Variants in NUDT12 observed in about 807,000 individuals in gnomAD.
The protein encoded by NUDT12 is NAD-capped RNA hydrolase NUDT12.
Under a neutral mutation model 45.7 loss-of-function variants are expected in NUDT12, and 42 were observed. The observed-to-expected ratio is 0.92, with a 90% CI of 0.72 to 1.19. The LOEUF (loss-of-function observed/expected upper bound fraction) is 1.19. Ranked by LOEUF, NUDT12 falls within the 50% of genes most tolerant of loss-of-function variation. The pLI is 0.00. For synonymous variants in NUDT12, 206 were observed against 179.7 expected (o/e 1.15, Z -1.17); for missense variants, 590 against 533.1 (o/e 1.11, Z -1.05).
intron 4 of NUDT12, among the ~76,000 whole-genome samples, chr5:103,555,119 C>G (rs902583334): frequency 6.6e-6 from 1 of 151,782 alleles, no homozygotes; most frequent in Non-Finnish European, 1.5e-5. Context: ...TTATTCTGTA[C>G]TTATGGATGT....
chr5:103,554,392 G>A (rs948160324), intron 5 of NUDT12: 1 of 157,118 alleles, frequency 6.4e-6, no homozygotes. Context: ...GCTAACTAAT[G>A]TATCTGGGGC....
Position 103,550,066 on chromosome 5 carries a change from CAAGTTT to C in NUDT12, c.*789_*794del, listed in dbSNP as rs1748603746. Reference sequence around the variant, plus strand: ...TCCGACCTTTGAGGAGAATTCCTTTCAAGTTTAATTTCAGTGCAAAAGCAGAGAATC... The same window carrying C: ...TCCGACCTTTGAGGAGAATTCCTTTCAATTTCAGTGCAAAAGCAGAGAATC... On this transcript the variant is annotated 3_prime_UTR_variant, in exon 7 of 7. Transcript: ENST00000230792. The C allele has an allele frequency of 6.6e-6, 1 of 152,096 alleles. No homozygotes were observed. Among genetic ancestry groups the C allele is most frequent in the African/African-American group, 2.4e-5 (1 of 41,426 alleles). 9.4% of individuals were successfully genotyped at this position (152,096 alleles called of 1,614,324 possible). A position where few individuals can be genotyped will look rare whatever the true frequency, so the allele number is the denominator to read the frequency against.
Position 103,549,175 on chromosome 5 carries a change from A to G in NUDT12, c.*1686T>C, listed in dbSNP as rs1748575719. Reference sequence around the variant, plus strand: ...TAGAATCTGCAAGTATTAAAAGTACATTTAGAGTAAAACTGAATTTCAAGA... The same window carrying G: ...TAGAATCTGCAAGTATTAAAAGTACGTTTAGAGTAAAACTGAATTTCAAGA... On this transcript the variant is annotated 3_prime_UTR_variant, in exon 7 of 7. Coordinates refer to ENST00000230792, the MANE Select transcript of NUDT12 (RefSeq NM_031438.4). 6.6e-6 allele frequency: 1 copy of G among 152,128 alleles called. No homozygotes were observed. Among genetic ancestry groups the G allele is most frequent in the South Asian group, 2.1e-4 (1 of 4,834 alleles). The allele number at this position is 152,128 out of a possible 1,614,324, so 9.4% of individuals were successfully genotyped here. A position where few individuals can be genotyped will look rare whatever the true frequency, so the allele number is the denominator to read the frequency against.
chr5:103,559,626 G>A lies in NUDT12; in HGVS notation c.207-158C>T, dbSNP rs76849690. 1.4e-3 allele frequency: 626 copies of A among 461,724 alleles called. 8 individuals are homozygous for A. In the East Asian group the frequency reaches 0.021, roughly 16 times the overall value. The allele number at this position is 461,724 out of a possible 1,614,324, so 28.6% of individuals were successfully genotyped here. ...CTTTTGTTACATAGTTTACTATTGG[G>A]AAGGTTAAAAGAACAATCATAAATG... On this transcript the variant is annotated intron_variant, in intron 2 of 6. Coordinates refer to ENST00000230792, the MANE Select transcript of NUDT12 (RefSeq NM_031438.4).
At chr5:103,552,144 A>G (rs577678806) in intron 6 of NUDT12, 73 bp downstream of exon 6, 3 of 1,241,164 alleles carry the variant, frequency 2.4e-6, no homozygotes, top group Admixed American at 1.8e-5. Context: ...GAAAATATGC[A>G]TCCTTGCTCT....
rs901860909 is a variant in NUDT12, at chr5:103,559,288, T to C, written c.387A>G (p.Lys129=). 5 of 1,606,194 alleles carry C rather than the reference T, an allele frequency of 3.1e-6. No homozygotes were observed. Among genetic ancestry groups the C allele is most frequent in the Non-Finnish European group, 4.2e-6 (5 of 1,177,706 alleles). The part of the protein sequence containing the change: ...NYFSKTLLDR[K]SEKRNNSDWL... ...AGTCAGAATTATTTCTCTTTTCACT[T>C]TTCCGGTCCAGTAGTGTTTTGCTAA... Residue 129 remains lysine (K), a synonymous_variant, in exon 3 of 7, where the codon AAA becomes AAG. Transcript: ENST00000230792.
In NUDT12 at chr5:103,555,963, T is replaced by C. The variant is rs368735765; in HGVS notation, c.932A>G (p.Asn311Ser). ...TGGGTATGAGGTATTATGGACGCCA[T>C]TGAGACTAGGACAGTCTTCTTTTAA... is the stretch of plus-strand genomic sequence containing the variant. ...LCLKEDCPSL[N>S]GVHNTSYPRV... The change falls in exon 4 of 7, where the codon AAT (asparagine) becomes AGT (serine). Residue 311 changes from asparagine to serine, a missense_variant. Physicochemically the swap from Asn to Ser is conservative, Grantham distance 46. Coordinates refer to ENST00000230792, the MANE Select transcript of NUDT12 (RefSeq NM_031438.4). 17 of 1,605,224 alleles carry C rather than the reference T, an allele frequency of 1.1e-5. No individual in the cohort carries two copies. The highest frequency in any genetic ancestry group is 1.4e-5 in the Non-Finnish European group (17 of 1,175,524).
At chr5:103,557,554 C>T (rs1435237721) in intron 3 of NUDT12, among the ~76,000 whole-genome samples, 1 of 149,754 alleles carries the variant, frequency 6.7e-6, no homozygotes, top group African/African-American at 2.5e-5. Flanking sequence ...TCATCAATAG[C>T]TTCATATTAC....
intron 2 of NUDT12, chr5:103,559,713 A>C (rs1748970239): frequency 4.6e-6 from 2 of 433,210 alleles, no homozygotes; most frequent in Admixed American, 4.0e-5. Context: ...AAAATAAAAC[A>C]GTATTAAGCT....
intron 5 of NUDT12, among the ~76,000 whole-genome samples, chr5:103,552,891 A>G (rs1163287878): frequency 2.6e-5 from 4 of 152,116 alleles, no homozygotes; most frequent in Non-Finnish European, 5.9e-5. Context: ...ATTACAAACT[A>G]CATAAGATGA....
chr5:103,559,050 GT>G lies in NUDT12; in HGVS notation c.624del (p.Lys208AsnfsTer23). ...GGGACTTCACCAGCATAATTAAGTA[GT>G]TTGTCTTTTATTTCAAGTTCTACTC... ...FLGVELEIKD[K>X]LLNYAGEVPR... On this transcript the variant is annotated frameshift_variant, in exon 3 of 7. Transcript: ENST00000230792. LOFTEE classifies it high-confidence loss of function. 1.2e-6 allele frequency: 2 copies of G among 1,613,332 alleles called. No homozygotes were observed. Among genetic ancestry groups the G allele is most frequent in the Non-Finnish European group, 1.7e-6 (2 of 1,179,684 alleles).
chr5:103,562,397 T>C (rs1295336194), intron 1 of NUDT12, among the ~76,000 whole-genome samples: 1 of 152,198 alleles, frequency 6.6e-6, no homozygotes, highest in Non-Finnish European at 1.5e-5. Context: ...TTTTACTTTC[T>C]TGCCACTACT....
In NUDT12 at chr5:103,550,758, T is replaced by G. The variant is rs892025262; in HGVS notation, c.*103A>C. 18 of 721,774 alleles carry G rather than the reference T, an allele frequency of 2.5e-5. No homozygotes were observed. Among genetic ancestry groups the G allele is most frequent in the Non-Finnish European group, 4.2e-5 (18 of 431,582 alleles). 44.7% of individuals were successfully genotyped at this position (721,774 alleles called of 1,614,324 possible). A position where few individuals can be genotyped will look rare whatever the true frequency, so the allele number is the denominator to read the frequency against. ...ATTTCGAAAACCCAACATCGTATTT[T>G]GTGTTGTGACACTCTCAAGAGTACT... On this transcript the variant is annotated 3_prime_UTR_variant, in exon 7 of 7. Transcript: ENST00000230792.
At chr5:103,562,355 G>A (rs1749060262) in intron 1 of NUDT12, among the ~76,000 whole-genome samples, 1 of 152,022 alleles carries the variant, frequency 6.6e-6, no homozygotes, top group Non-Finnish European at 1.5e-5. Context: ...ACCCGTGCAC[G>A]GTCTCTGAAA....
At chr5:103,561,872 C>T (rs887235334) in intron 1 of NUDT12, among the ~76,000 whole-genome samples, 2 of 152,184 alleles carry the variant, frequency 1.3e-5, no homozygotes, top group Admixed American at 6.5e-5. Context: ...ACCTCCAGGG[C>T]AATGCTTATG....
In NUDT12 at chr5:103,562,764, C is replaced by G. The variant is rs1250496674; in HGVS notation, c.-68G>C. ...TCCAAAGATTGGGATATCCCACTCG[C>G]TTTTCCTGGAGCCGGATGCAGTCTT... On this transcript the variant is annotated 5_prime_UTR_variant, in exon 1 of 7. Coordinates refer to ENST00000230792, the MANE Select transcript of NUDT12 (RefSeq NM_031438.4). The G allele has an allele frequency of 8.5e-6, 1 of 117,328 alleles. No homozygotes were observed. 7.3% of individuals were successfully genotyped at this position (117,328 alleles called of 1,614,324 possible).
rs397881869 is a variant in NUDT12, at chr5:103,554,869, A to AT, written c.965-17dup. The AT allele has an allele frequency of 7.6e-6, 9 of 1,182,416 alleles. No homozygotes were observed. In the African/African-American group the frequency reaches 1.4e-4, roughly 19 times the overall value. The allele number at this position is 1,182,416 out of a possible 1,614,324, so 73.2% of individuals were successfully genotyped here. A position where few individuals can be genotyped will look rare whatever the true frequency, so the allele number is the denominator to read the frequency against. Reference sequence around the variant, plus strand: ...ACTACTGGATCTGTTGAAAAAAAAAATCAGATACATGAATGGCAGGAAAAA... The same window carrying AT: ...ACTACTGGATCTGTTGAAAAAAAAAATTCAGATACATGAATGGCAGGAAAAA... On this transcript the variant is annotated splice_polypyrimidine_tract_variant and intron_variant, in intron 4 of 6. Coordinates refer to ENST00000230792, the MANE Select transcript of NUDT12 (RefSeq NM_031438.4).
At chr5:103,562,628 CAA>C (rs1005337614) in intron 1 of NUDT12, 73 bp downstream of exon 1, 3 of 152,374 alleles carry the variant, frequency 2.0e-5, no homozygotes, top group Admixed American at 2.0e-4. Context: ...GCGCGGGAAC[CAA>C]AGAGCCCAGG....
chr5:103,557,406 A>C (rs1371807241), intron 3 of NUDT12, among the ~76,000 whole-genome samples: 1 of 151,166 alleles, frequency 6.6e-6, no homozygotes, highest in Non-Finnish European at 1.5e-5. Flanking sequence ...ATATTTAAGC[A>C]GTCTCTGGAA....
Sources: allele counts gnomAD v4.1 joint callset (sites outside exome capture counted in the v4.1 genomes callset), GRCh38; gene constraint gnomAD v4.1.1; transcripts MANE v1.5; gene names NCBI Gene and HGNC (gene_info 2026-07-23, HGNC 2026-07-21).